Variants in NOL4 observed in about 807,000 individuals in gnomAD.
The protein encoded by NOL4 is nucleolar protein 4, also known as cancer/testis antigen 125.
NOL4 carries 17 observed loss-of-function variants against 75.9 expected under a neutral mutation model. The observed-to-expected ratio is 0.22, with a 90% CI of 0.15 to 0.34. NOL4 has a LOEUF of 0.34. Ranked by LOEUF, NOL4 falls within the 10% of genes least tolerant of loss-of-function variation. The probability of loss-of-function intolerance (pLI) is 1.00; values close to 1 mark genes in which losing one functional copy is unlikely to be tolerated. For missense variants in NOL4, 614 were observed against 793.5 expected, an observed-to-expected ratio of 0.77 and a Z score of 2.72; for synonymous variants, 292 against 289.9, an observed-to-expected ratio of 1.01 and a Z score of -0.07.
At chr18:34,206,917 G>GT (rs1198077778) in intron 1 of NOL4, among the ~76,000 whole-genome samples, 1 of 151,462 alleles carries the variant, frequency 6.6e-6, no homozygotes, top group African/African-American at 2.4e-5. Flanking sequence ...TTTCTACTCT[G>GT]TTTTTCAGCA....
intron 1 of NOL4, among the ~76,000 whole-genome samples, chr18:34,169,839 G>A (rs1242874233): frequency 2.0e-5 from 3 of 151,932 alleles, no homozygotes; most frequent in Admixed American, 2.0e-4. Flanking sequence ...AGGAAAGTAG[G>A]AATAAGGAAC....
intron 5 of NOL4, among the ~76,000 whole-genome samples, chr18:34,066,117 T>C (rs10468837): frequency 0.41 from 62,218 of 151,672 alleles, 12,933 homozygotes; most frequent in South Asian, 0.53. Context: ...TTTAAATTTG[T>C]TTTGGGAATT....
intron 6 of NOL4, among the ~76,000 whole-genome samples, chr18:33,964,401 C>T (rs920768872): frequency 1.3e-5 from 2 of 149,842 alleles, no homozygotes; most frequent in African/African-American, 4.9e-5. Flanking sequence ...TTATATGAAG[C>T]ACATGGCACT....
rs2144078337 is a variant in NOL4, at chr18:33,851,770, C to A, written c.*1072G>T. The A allele has an allele frequency of 6.6e-6, 1 of 152,596 alleles. No homozygotes were observed. The highest frequency in any genetic ancestry group is 2.1e-4 in the South Asian group (1 of 4,830). 9.5% of individuals were successfully genotyped at this position (152,596 alleles called of 1,614,324 possible). ...AGCTGCATCCGCTGAGAGTTCCTTA[C>A]ATTATTTTTAGCTAGAACTGAAAAT... On this transcript the variant is annotated 3_prime_UTR_variant, in exon 11 of 11. Coordinates refer to ENST00000261592, the MANE Select transcript of NOL4 (RefSeq NM_003787.5).
At chr18:33,885,774 A>C (rs1271020101) in intron 9 of NOL4, among the ~76,000 whole-genome samples, 2 of 152,164 alleles carry the variant, frequency 1.3e-5, no homozygotes, top group East Asian at 3.9e-4. Context: ...GTTCCTCAAA[A>C]ATCTAAAAAT....
At chr18:34,176,709 T>G (rs2033580494) in intron 1 of NOL4, among the ~76,000 whole-genome samples, 1 of 151,998 alleles carries the variant, frequency 6.6e-6, no homozygotes, top group Non-Finnish European at 1.5e-5. Flanking sequence ...AGAGAGAAAG[T>G]GTTCATCTAC....
intron 1 of NOL4, among the ~76,000 whole-genome samples, chr18:34,170,145 A>G (rs7244812): frequency 0.5 from 75,622 of 151,634 alleles, 18,932 homozygotes; most frequent in Admixed American, 0.56. Context: ...TGAAATGTGA[A>G]TAGTCTGAAT....
intron 1 of NOL4, among the ~76,000 whole-genome samples, chr18:34,184,365 CAAATTTAGTAATATA>C (rs1174942772): frequency 3.3e-5 from 5 of 151,726 alleles, no homozygotes; most frequent in Non-Finnish European, 5.9e-5. Flanking sequence ...GAATCAATTT[CAAATTTAGTAATATA>C]ATGGAATATG....
intron 1 of NOL4, among the ~76,000 whole-genome samples, chr18:34,145,323 CT>C (rs1330319072): frequency 6.6e-6 from 1 of 151,852 alleles, no homozygotes; most frequent in African/African-American, 2.4e-5. Flanking sequence ...ATCAGATATT[CT>C]AATGGGCAAA....
At chr18:34,213,950 A>C (rs2036693225) in intron 1 of NOL4, among the ~76,000 whole-genome samples, 1 of 152,234 alleles carries the variant, frequency 6.6e-6, no homozygotes, top group Non-Finnish European at 1.5e-5. Flanking sequence ...CCATATTTAA[A>C]TAAGTACTCC....
intron 1 of NOL4, among the ~76,000 whole-genome samples, chr18:34,169,059 G>A (rs1308255769): frequency 6.6e-6 from 1 of 151,604 alleles, no homozygotes; most frequent in African/African-American, 2.4e-5. Flanking sequence ...TATCCTTTAG[G>A]CAGAAATGTC....
At chr18:34,186,813 C>A (rs757905270) in intron 1 of NOL4, among the ~76,000 whole-genome samples, 6 of 152,030 alleles carry the variant, frequency 3.9e-5, no homozygotes, top group South Asian at 2.1e-4. Context: ...AAAATTTATT[C>A]ACATTGAAGC....
chr18:33,962,021 A>G (rs2070177728), intron 6 of NOL4, among the ~76,000 whole-genome samples: 1 of 152,090 alleles, frequency 6.6e-6, no homozygotes, highest in African/African-American at 2.4e-5. Flanking sequence ...ACCAGGTAAA[A>G]TTGCCAATCC....
Position 34,104,978 on chromosome 18 carries a change from A to G in NOL4, c.526+71T>C, listed in dbSNP as rs1448566671. 3 of 954,336 alleles carry G rather than the reference A, an allele frequency of 3.1e-6. No individual in the cohort carries two copies. The African/African-American group carries it at 4.9e-5, about 16-fold the overall frequency. 59.1% of individuals were successfully genotyped at this position (954,336 alleles called of 1,614,324 possible). A position where few individuals can be genotyped will look rare whatever the true frequency, so the allele number is the denominator to read the frequency against. On this transcript the variant is annotated intron_variant, in intron 3 of 10. Coordinates refer to ENST00000261592, the MANE Select transcript of NOL4 (RefSeq NM_003787.5). ...CTGTTTCAGTCTACCACGTTTTTAT[A>G]AAAATGTGAGATACAAATGGCCATT...
intron 2 of NOL4, among the ~76,000 whole-genome samples, chr18:34,117,278 T>C (rs1051174803): frequency 6.6e-6 from 1 of 152,180 alleles, no homozygotes; most frequent in Non-Finnish European, 1.5e-5. Flanking sequence ...TTGCCAATTA[T>C]GTACAAGAGA....
intron 5 of NOL4, among the ~76,000 whole-genome samples, chr18:34,040,215 G>A (rs1264845987): frequency 6.6e-6 from 1 of 151,872 alleles, no homozygotes; most frequent in Non-Finnish European, 1.5e-5. Context: ...AACTGTTAAT[G>A]GAGATTATTG....
intron 9 of NOL4, among the ~76,000 whole-genome samples, chr18:33,891,743 A>T (rs1016168196): frequency 4.6e-5 from 7 of 152,200 alleles, no homozygotes; most frequent in Admixed American, 4.6e-4. Flanking sequence ...GATCTCTTGT[A>T]TGGTAGAATC....
intron 6 of NOL4, among the ~76,000 whole-genome samples, chr18:33,959,233 T>G (rs2069902264): frequency 6.6e-6 from 1 of 152,166 alleles, no homozygotes; most frequent in African/African-American, 2.4e-5. Flanking sequence ...ATGAAACAGC[T>G]GATAGATAGC....
At chr18:34,120,577 A>C (rs1317064124) in intron 2 of NOL4, among the ~76,000 whole-genome samples, 1 of 152,234 alleles carries the variant, frequency 6.6e-6, no homozygotes, top group Non-Finnish European at 1.5e-5. Flanking sequence ...TGAAGAAGGT[A>C]TAAAGCAGGC....
Sources: gnomAD v4.1 joint callset for allele counts (sites outside exome capture counted in the v4.1 genomes callset) on GRCh38, gnomAD v4.1.1 for gene constraint, MANE v1.5 for transcripts, NCBI Gene and HGNC (gene_info 2026-07-23, HGNC 2026-07-21) for gene names.